ROBO2: variants seen among roughly 807,000 people sequenced by gnomAD.
The protein encoded by ROBO2 is roundabout guidance receptor 2, also known as roundabout homolog 2.
ROBO2 carries 53 observed loss-of-function variants against 160.8 expected under a neutral mutation model. The ratio of observed to expected loss-of-function variants is 0.33; its 90% confidence interval spans 0.26 to 0.41. The LOEUF is 0.41. ROBO2 is among the 10% of genes least tolerant of loss of function. ROBO2 has a pLI of 1.00. For synonymous variants in ROBO2, 664 were observed against 611.7 expected (o/e 1.09, Z -1.26); for missense variants, 1,577 against 1,722.4 (o/e 0.92, Z 1.49).
At chr3:77,356,856 T>C (rs2069205900) in intron 2 of ROBO2, among the ~76,000 whole-genome samples, 1 of 152,174 alleles carries the variant, frequency 6.6e-6, no homozygotes, top group Non-Finnish European at 1.5e-5. Flanking sequence ...TGTGGACATA[T>C]TATTTTCTGT....
At chr3:76,507,777 T>C (rs752515300) in intron 2 of ROBO2, among the ~76,000 whole-genome samples, 2 of 152,106 alleles carry the variant, frequency 1.3e-5, no homozygotes, top group African/African-American at 2.4e-5. Context: ...AAGCACATGA[T>C]AAAAACACGA....
At chr3:76,678,799 ATTAG>A (rs2092479945) in intron 2 of ROBO2, among the ~76,000 whole-genome samples, 2 of 152,254 alleles carry the variant, frequency 1.3e-5, no homozygotes, top group Middle Eastern at 3.4e-3. Context: ...TTCTCTGTGC[ATTAG>A]TTAGTTTCGT....
At chr3:77,594,821 A>G (rs774594994) in intron 17 of ROBO2, among the ~76,000 whole-genome samples, 2 of 152,184 alleles carry the variant, frequency 1.3e-5, no homozygotes, top group South Asian at 2.1e-4. Context: ...TAAATTCACA[A>G]TAATGCTACG....
At chr3:77,582,789 CA>C (rs2093952673) in intron 16 of ROBO2, among the ~76,000 whole-genome samples, 1 of 151,962 alleles carries the variant, frequency 6.6e-6, no homozygotes, top group South Asian at 2.1e-4. Context: ...AGTTATCTTG[CA>C]AATAAATTCA....
intron 2 of ROBO2, among the ~76,000 whole-genome samples, chr3:76,492,561 G>GA (rs11358306): frequency 0.26 from 39,209 of 149,694 alleles, 6,588 homozygotes; most frequent in African/African-American, 0.48. Flanking sequence ...AGTGCATAAA[G>GA]AAAAAAAAAA....
At chr3:76,601,102 T>G (rs537808022) in intron 2 of ROBO2, among the ~76,000 whole-genome samples, 50 of 152,278 alleles carry the variant, frequency 3.3e-4, no homozygotes, top group African/African-American at 1.2e-3. Flanking sequence ...ATGTCTCACA[T>G]CCAGGTCATG....
chr3:76,402,161 T>G (rs2108764560), intron 2 of ROBO2, among the ~76,000 whole-genome samples: 1 of 151,680 alleles, frequency 6.6e-6, no homozygotes, highest in Admixed American at 6.6e-5. Context: ...TATTTATTTC[T>G]GTTTGCCTAA....
intron 2 of ROBO2, among the ~76,000 whole-genome samples, chr3:77,281,439 CT>C (rs1253136593): frequency 1.3e-5 from 2 of 151,956 alleles, no homozygotes; most frequent in East Asian, 3.9e-4. Context: ...AAGAATTTTA[CT>C]GTCTCTATAT....
intron 1 of ROBO2, among the ~76,000 whole-genome samples, chr3:77,048,629 A>G (rs115733369): frequency 6.6e-6 from 1 of 152,334 alleles, no homozygotes; most frequent in Non-Finnish European, 1.5e-5. Flanking sequence ...CCGAAGACCT[A>G]AGTAAAAATT....
At chr3:77,353,268 C>T (rs183386916) in intron 2 of ROBO2, among the ~76,000 whole-genome samples, 1 of 152,160 alleles carries the variant, frequency 6.6e-6, no homozygotes, top group Non-Finnish European at 1.5e-5. Context: ...ATTTGGGGTG[C>T]TGTCAATAGT....
intron 2 of ROBO2, among the ~76,000 whole-genome samples, chr3:76,127,434 A>T (rs1368762399): frequency 6.6e-6 from 1 of 152,076 alleles, no homozygotes; most frequent in Non-Finnish European, 1.5e-5. Context: ...AGACTCTAGG[A>T]TAGAATATAA....
chr3:76,381,090 T>A (rs1469264950), intron 2 of ROBO2, among the ~76,000 whole-genome samples: 1 of 151,156 alleles, frequency 6.6e-6, no homozygotes, highest in Non-Finnish European at 1.5e-5. Context: ...TTGAAAGGAT[T>A]TAAAAAAACA....
intron 2 of ROBO2, among the ~76,000 whole-genome samples, chr3:76,617,968 A>G (rs1439303593): frequency 1.3e-5 from 2 of 151,570 alleles, no homozygotes; most frequent in East Asian, 3.9e-4. Flanking sequence ...TGGGAACTAC[A>G]ATTCAAGATA....
chr3:76,967,397 A>C (rs2059354494), intron 2 of ROBO2, among the ~76,000 whole-genome samples: 1 of 148,212 alleles, frequency 6.7e-6, no homozygotes. Context: ...GTAGAGATGG[A>C]GTTTCCGCCA....
intron 5 of ROBO2, among the ~76,000 whole-genome samples, chr3:77,500,461 A>G (rs2087429762): frequency 6.6e-6 from 1 of 152,206 alleles, no homozygotes; most frequent in Non-Finnish European, 1.5e-5. Flanking sequence ...TGAGTCACCT[A>G]TGAATTTTAT....
At chr3:76,186,767 T>A (rs1203817385) in intron 2 of ROBO2, among the ~76,000 whole-genome samples, 1 of 152,160 alleles carries the variant, frequency 6.6e-6, no homozygotes, top group Non-Finnish European at 1.5e-5. Context: ...CCTTGTTCTC[T>A]CTAATTCATC....
chr3:77,504,013 T>A (rs1322491388), intron 5 of ROBO2, among the ~76,000 whole-genome samples: 1 of 152,204 alleles, frequency 6.6e-6, no homozygotes, highest in Non-Finnish European at 1.5e-5. Flanking sequence ...TGGGGGGATC[T>A]CTGTTTTAGT....
At chr3:76,488,061 C>T (rs185336801) in intron 2 of ROBO2, among the ~76,000 whole-genome samples, 95 of 152,286 alleles carry the variant, frequency 6.2e-4, no homozygotes, top group Admixed American at 5.2e-3. Context: ...CATATAAACA[C>T]GGGGAGTCAC....
At chr3:76,462,227 G>T (rs1438973467) in intron 2 of ROBO2, among the ~76,000 whole-genome samples, 3 of 152,072 alleles carry the variant, frequency 2.0e-5, no homozygotes, top group Admixed American at 6.6e-5. Context: ...GCCAAATGTC[G>T]ATTTTTCATT....
Sources: allele counts gnomAD v4.1 joint callset (sites outside exome capture counted in the v4.1 genomes callset), GRCh38; gene constraint gnomAD v4.1.1; transcripts MANE v1.5; gene names NCBI Gene and HGNC (gene_info 2026-07-23, HGNC 2026-07-21).